Variants in RETREG2 observed in about 807,000 individuals in gnomAD.
RETREG2 encodes reticulophagy regulator 2.
A neutral mutation model predicts 51.6 loss-of-function variants in RETREG2; 21 were observed. The ratio of observed to expected loss-of-function variants is 0.41; its 90% CI spans 0.29 to 0.59. The LOEUF is 0.59. Ranked by LOEUF, RETREG2 falls within the 20% of genes least tolerant of loss-of-function variation. The pLI, the probability that RETREG2 is intolerant of heterozygous loss-of-function variation, is 0.34. For synonymous variants in RETREG2, 339 were observed against 288.6 expected (o/e 1.17, Z -1.77); for missense variants, 674 against 646.0 (o/e 1.04, Z -0.47).
chr2:219,181,533 C>G, intron 7 of RETREG2, 70 bp downstream of exon 7: 1 of 1,602,216 alleles, frequency 6.2e-7, no homozygotes, highest in East Asian at 2.2e-5. Flanking sequence ...TTGGAGCTGC[C>G]ACCTCCAAAG....
Position 219,180,095 on chromosome 2 carries a change from G to A in RETREG2, c.420-15G>A, listed in dbSNP as rs1950255714. On this transcript the variant is annotated splice_polypyrimidine_tract_variant and intron_variant, in intron 3 of 8. Transcript: ENST00000430297. ...GGTATCTGAGGCCTCCAGGGGTCAT[G>A]TCATGTCTCCCCAGTGAGGGTGCGG... 6.2e-7 allele frequency: 1 copy of A among 1,613,686 alleles called. No homozygotes were observed. Among genetic ancestry groups the A allele is most frequent in the African/African-American group, 1.3e-5 (1 of 74,906 alleles).
At position 219,181,726 on chromosome 2, in the gene RETREG2, C is replaced by A; in HGVS notation, c.966C>A (p.Gly322=). The part of the protein sequence containing the change: ...DEEASILESG[G]FSVSRATTPQ... ...AGGCTTCTATCTTGGAGAGTGGTGG[C>A]TTCTCCGTATCCCGGGCCACAACTC... The change falls in exon 8 of 9, where the codon GGC becomes GGA. Residue 322 remains glycine (G), a synonymous_variant. Coordinates refer to ENST00000430297, the MANE Select transcript of RETREG2 (RefSeq NM_024293.6). 6.2e-7 allele frequency: 1 copy of A among 1,614,042 alleles called. No homozygotes were observed. The highest frequency in any genetic ancestry group is 8.5e-7 in the Non-Finnish European group (1 of 1,179,982).
At position 219,184,572 on chromosome 2, in the gene RETREG2, CTT is replaced by C. The variant is rs887789017; in HGVS notation, c.*1946_*1947del. 2.6e-5 allele frequency: 4 copies of C among 152,176 alleles called. No individual in the cohort carries two copies. The highest frequency in any genetic ancestry group is 9.7e-5 in the African/African-American group (4 of 41,440). The allele number at this position is 152,176 out of a possible 1,614,324, so 9.4% of individuals were successfully genotyped here. On this transcript the variant is annotated 3_prime_UTR_variant, in exon 9 of 9. Transcript: ENST00000430297. Reference sequence around the variant, plus strand: ...TCCTGTGCCACTAAAGGAACTCGAACTTTTCATCACTTAGAGATTTCAGAGGG... The same window carrying C: ...TCCTGTGCCACTAAAGGAACTCGAACTTCATCACTTAGAGATTTCAGAGGG...
chr2:219,182,175 C>T lies in RETREG2; in HGVS notation c.1178C>T (p.Ala393Val), dbSNP rs1401655005. 1 of 1,613,568 alleles carries T rather than the reference C, an allele frequency of 6.2e-7. No individual in the cohort carries two copies. Among genetic ancestry groups the T allele is most frequent in the Non-Finnish European group, 8.5e-7 (1 of 1,180,024 alleles). Reference sequence around the variant, plus strand: ...TCGGAGGAAGAGGAAGAGGATGTGGCAGCTAAGGAAACCTTGTTGCGGCTC... The same window carrying T: ...TCGGAGGAAGAGGAAGAGGATGTGGTAGCTAAGGAAACCTTGTTGCGGCTC... Reference protein sequence around the residue: ...LDSEEEEEDVAAKETLLRLSS... With the variant: ...LDSEEEEEDVVAKETLLRLSS... The change falls in exon 9 of 9, where the codon GCA becomes GTA. Residue 393 changes from alanine to valine, a missense_variant. Physicochemically the swap from Ala to Val is moderately conservative, Grantham distance 64. Coordinates refer to ENST00000430297, the MANE Select transcript of RETREG2 (RefSeq NM_024293.6).
Position 219,179,761 on chromosome 2 carries a change from C to G in RETREG2, c.417C>G (p.Asp139Glu). The stretch of plus-strand genomic sequence containing the variant: ...CATCCCCAGAGGAGCCACACTCTGA[C>G]AGGTGAGTACAGGCCACCTCTTGAA... ...SASSPEEPHS[D>E]SEGAGSGARP... is the part of the protein sequence containing the mutation. Residue 139 changes from aspartate (D) to glutamate (E), a missense_variant and splice_region_variant, in exon 3 of 9, where the codon GAC (aspartate) becomes GAG (glutamate). Coordinates refer to ENST00000430297, the MANE Select transcript of RETREG2 (RefSeq NM_024293.6). 1.2e-6 allele frequency: 2 copies of G among 1,613,970 alleles called. No homozygotes were observed. Among genetic ancestry groups the G allele is most frequent in the Non-Finnish European group, 1.7e-6 (2 of 1,179,842 alleles).
rs765374700 is a variant in RETREG2, at chr2:219,182,286, T to G, written c.1289T>G (p.Val430Gly). 6.2e-7 allele frequency: 1 copy of G among 1,613,962 alleles called. No homozygotes were observed. The highest frequency in any genetic ancestry group is 1.1e-5 in the South Asian group (1 of 91,074). The part of the protein sequence containing the change: ...DGVKCSPGGP[V>G]ETLSPETVSG... ...GTGAAATGCTCCCCTGGAGGACCAGTGGAGACACTGAGCCCCGAGACAGTG... is the reference window on the plus strand; with the variant it reads ...GTGAAATGCTCCCCTGGAGGACCAGGGGAGACACTGAGCCCCGAGACAGTG... Residue 430 changes from valine to glycine, a missense_variant, in exon 9 of 9, where the codon GTG (valine) becomes GGG (glycine). Coordinates refer to ENST00000430297, the MANE Select transcript of RETREG2 (RefSeq NM_024293.6).
chr2:219,181,200 A>G lies in RETREG2; in HGVS notation c.779A>G (p.Lys260Arg), dbSNP rs536958447. ...AATGCCCTGCATCACAAACACGACAAGAGGAGTAAGGGGCTGCCCTAAGCC... is the reference window on the plus strand; with the variant it reads ...AATGCCCTGCATCACAAACACGACAGGAGGAGTAAGGGGCTGCCCTAAGCC... ...EANALHHKHDKRKRQGKNAPP... is the reference protein window; with the variant it reads ...EANALHHKHDRRKRQGKNAPP... Residue 260 changes from lysine to arginine, a missense_variant, in exon 6 of 9, where the codon AAG (lysine) becomes AGG (arginine). By Grantham distance (26) the Lys-to-Arg change is conservative. Transcript: ENST00000430297. 8 of 1,613,980 alleles carry G rather than the reference A, an allele frequency of 5.0e-6. No homozygotes were observed. In the African/African-American group the frequency reaches 6.7e-5, roughly 13 times the overall value.
chr2:219,178,593 C>G lies in RETREG2; in HGVS notation c.241C>G (p.His81Asp). The change falls in exon 1 of 9, where the codon CAC (histidine) becomes GAC (aspartate). Residue 81 changes from histidine (H) to aspartate (D), a missense_variant. His to Asp is a moderately conservative substitution (Grantham distance 81). Transcript: ENST00000430297. Reference sequence around the variant, plus strand: ...GTTGCTGGTGTGGGAGAAGCCGCTGCACAGCCTGGTCACGGCGGCCGCGCT... The same window carrying G: ...GTTGCTGGTGTGGGAGAAGCCGCTGGACAGCCTGGTCACGGCGGCCGCGCT... ...QRLLVWEKPL[H>D]SLVTAAALNG... is the part of the protein sequence containing the mutation. 1 of 1,470,890 alleles carries G rather than the reference C, an allele frequency of 6.8e-7. No individual in the cohort carries two copies. The highest frequency in any genetic ancestry group is 8.9e-7 in the Non-Finnish European group (1 of 1,119,718). The allele number at this position is 1,470,890 out of a possible 1,614,324, so 91.1% of individuals were successfully genotyped here. A position where few individuals can be genotyped will look rare whatever the true frequency, so the allele number is the denominator to read the frequency against.
Position 219,181,050 on chromosome 2 carries a change from C to G in RETREG2, c.641-12C>G, listed in dbSNP as rs1303696833. On this transcript the variant is annotated splice_polypyrimidine_tract_variant and intron_variant, in intron 5 of 8. Coordinates refer to ENST00000430297, the MANE Select transcript of RETREG2 (RefSeq NM_024293.6). ...GCGTAGGGAGCTCTTAGTTCACGTT[C>G]TTAACCCATAGTGTTGAGTATCCTG... 6 of 1,613,890 alleles carry G rather than the reference C, an allele frequency of 3.7e-6. No individual in the cohort carries two copies. Among genetic ancestry groups the G allele is most frequent in the Non-Finnish European group, 5.1e-6 (6 of 1,179,840 alleles).
rs144441706 is a variant in RETREG2, at chr2:219,182,335, C to G, written c.1338C>G (p.Pro446=). 5 of 1,613,968 alleles carry G rather than the reference C, an allele frequency of 3.1e-6. No individual in the cohort carries two copies. The highest frequency in any genetic ancestry group is 1.6e-4 in the Middle Eastern group (1 of 6,084). Residue 446 remains proline (P), a synonymous_variant, in exon 9 of 9, where the codon CCC becomes CCG. Coordinates refer to ENST00000430297, the MANE Select transcript of RETREG2 (RefSeq NM_024293.6). The part of the protein sequence containing the change: ...ETVSGGLTAL[P]GTLSPPLCLV... Reference sequence around the variant, plus strand: ...TGAGTGGTGGCCTCACTGCTCTGCCCGGCACCCTGTCACCTCCACTTTGCC... The same window carrying G: ...TGAGTGGTGGCCTCACTGCTCTGCCGGGCACCCTGTCACCTCCACTTTGCC...
chr2:219,180,324 T>G (rs1024093126), intron 4 of RETREG2, 79 bp downstream of exon 4: 15 of 1,560,488 alleles, frequency 9.6e-6, no homozygotes, highest in Non-Finnish European at 1.3e-5. Context: ...TGGAGTGATA[T>G]AAACTCCCCG....
chr2:219,179,825 T>C, intron 3 of RETREG2, 62 bp downstream of exon 3: 1 of 1,545,074 alleles, frequency 6.5e-7, no homozygotes, highest in African/African-American at 1.4e-5. Flanking sequence ...CTGGTGCCAG[T>C]GTCACCATGG....
chr2:219,179,706 T>A, intron 2 of RETREG2, 27 bp from the exon 3 acceptor site: 1 of 1,613,054 alleles, frequency 6.2e-7, no homozygotes, highest in Non-Finnish European at 8.5e-7. Context: ...TACCACTCAA[T>A]AATTTGCCCC....
chr2:219,179,106 G>A (rs1574781353), intron 2 of RETREG2, 78 bp downstream of exon 2: 4 of 1,092,730 alleles, frequency 3.7e-6, no homozygotes, highest in East Asian at 2.4e-5. Flanking sequence ...GTTAAGTGGC[G>A]AGGGGAACGT....
chr2:219,183,573 C>T lies in RETREG2; in HGVS notation c.*944C>T, dbSNP rs964761152. The T allele has an allele frequency of 2.6e-5, 4 of 152,424 alleles. No homozygotes were observed. The highest frequency in any genetic ancestry group is 2.1e-4 in the South Asian group (1 of 4,832). 9.4% of individuals were successfully genotyped at this position (152,424 alleles called of 1,614,324 possible). On this transcript the variant is annotated 3_prime_UTR_variant, in exon 9 of 9. Coordinates refer to ENST00000430297, the MANE Select transcript of RETREG2 (RefSeq NM_024293.6). ...CTCCTCACCCTTAACCTGCTTCACT[C>T]CAGTCTGTTCTGGCTGTTTATTACC...
At position 219,179,774 on chromosome 2, in the gene RETREG2, G is replaced by A. The variant is rs767876013; in HGVS notation, c.419+11G>A. ...GCCACACTCTGACAGGTGAGTACAGGCCACCTCTTGAAGACAAATGCCCAC... is the reference window on the plus strand; with the variant it reads ...GCCACACTCTGACAGGTGAGTACAGACCACCTCTTGAAGACAAATGCCCAC... On this transcript the variant is annotated intron_variant, in intron 3 of 8. Transcript: ENST00000430297. The A allele has an allele frequency of 6.2e-7, 1 of 1,613,570 alleles. No homozygotes were observed. Among genetic ancestry groups the A allele is most frequent in the Non-Finnish European group, 8.5e-7 (1 of 1,179,514 alleles).
rs756154899 is a variant in RETREG2, at chr2:219,179,016, C to G, written c.376C>G (p.Pro126Ala). The change falls in exon 2 of 9, where the codon CCT becomes GCT. Residue 126 changes from proline (P) to alanine (A), a missense_variant. Coordinates refer to ENST00000430297, the MANE Select transcript of RETREG2 (RefSeq NM_024293.6). ...GGATCTCTGGCAGCCTCGCTTTCTC[C>G]CTGACGTTTCAGGTGAGTGTTTCTT... is the stretch of plus-strand genomic sequence containing the variant. ...LLDLWQPRFLPDVSASSPEEP... is the reference protein window; with the variant it reads ...LLDLWQPRFLADVSASSPEEP... 2.5e-6 allele frequency: 4 copies of G among 1,610,606 alleles called. No homozygotes were observed. In the East Asian group the frequency reaches 8.9e-5, roughly 36 times the overall value.
chr2:219,178,593 C>T lies in RETREG2; in HGVS notation c.241C>T (p.His81Tyr). Reference protein sequence around the residue: ...QRLLVWEKPLHSLVTAAALNG... With the variant: ...QRLLVWEKPLYSLVTAAALNG... ...GTTGCTGGTGTGGGAGAAGCCGCTG[C>T]ACAGCCTGGTCACGGCGGCCGCGCT... is the stretch of plus-strand genomic sequence containing the variant. The change falls in exon 1 of 9, where the codon CAC (histidine) becomes TAC (tyrosine). Residue 81 changes from histidine to tyrosine, a missense_variant. Coordinates refer to ENST00000430297, the MANE Select transcript of RETREG2 (RefSeq NM_024293.6). 1 of 1,470,890 alleles carries T rather than the reference C, an allele frequency of 6.8e-7. No homozygotes were observed. The highest frequency in any genetic ancestry group is 8.9e-7 in the Non-Finnish European group (1 of 1,119,718). 91.1% of individuals were successfully genotyped at this position (1,470,890 alleles called of 1,614,324 possible).
intron 1 of RETREG2, 28 bp from the exon 2 acceptor site, chr2:219,178,894 A>T (rs781293817): frequency 5.3e-6 from 8 of 1,515,722 alleles, no homozygotes; most frequent in Non-Finnish European, 7.3e-6. Context: ...TCACCCACTC[A>T]CTGCTGAGGT....
Sources: allele counts gnomAD v4.1 joint callset, GRCh38; gene constraint gnomAD v4.1.1; transcripts MANE v1.5; gene names NCBI Gene and HGNC (gene_info 2026-07-23, HGNC 2026-07-21).